Variants in ROBO2 observed in about 807,000 individuals in gnomAD.
The protein encoded by ROBO2 is roundabout homolog 2.
A neutral mutation model predicts 160.8 loss-of-function variants in ROBO2; 53 were observed. That is an observed-to-expected ratio of 0.33 (90% CI 0.26 to 0.41). The LOEUF (loss-of-function observed/expected upper bound fraction) is 0.41. ROBO2 is among the 10% of genes least tolerant of loss of function. The pLI is 1.00. For synonymous variants in ROBO2, 664 were observed against 611.7 expected (o/e 1.09, Z -1.26); for missense variants, 1,577 against 1,722.4 (o/e 0.92, Z 1.49).
At chr3:77,316,965 T>A in intron 2 of ROBO2, 2 of 1,411,602 alleles carry the variant, frequency 1.4e-6, no homozygotes, top group African/African-American at 1.4e-5. Flanking sequence ...TGTTACTGTT[T>A]CCTGCTGTCC....
At chr3:76,896,909 A>T (rs777268184) in intron 2 of ROBO2, among the ~76,000 whole-genome samples, 3 of 152,186 alleles carry the variant, frequency 2.0e-5, no homozygotes, top group Non-Finnish European at 2.9e-5. Flanking sequence ...CAGGAGTTAA[A>T]TCTTGCCACT....
At chr3:77,319,329 A>G (rs1425757619) in intron 2 of ROBO2, among the ~76,000 whole-genome samples, 1 of 152,204 alleles carries the variant, frequency 6.6e-6, no homozygotes, top group African/African-American at 2.4e-5. Flanking sequence ...TTGCCCAGAA[A>G]TAAGGATTTT....
At chr3:76,000,978 A>T (rs2065870397) in intron 2 of ROBO2, among the ~76,000 whole-genome samples, 1 of 151,932 alleles carries the variant, frequency 6.6e-6, no homozygotes, top group Admixed American at 6.6e-5. Flanking sequence ...CTTTAAGAAA[A>T]TTTCACTCTA....
intron 1 of ROBO2, among the ~76,000 whole-genome samples, chr3:75,933,484 A>G (rs1204054447): frequency 6.6e-6 from 1 of 152,150 alleles, no homozygotes; most frequent in Non-Finnish European, 1.5e-5. Flanking sequence ...TGCCAACAGC[A>G]ATACTTGCAG....
At chr3:76,213,490 T>C (rs576788979) in intron 2 of ROBO2, among the ~76,000 whole-genome samples, 1 of 152,278 alleles carries the variant, frequency 6.6e-6, no homozygotes, top group South Asian at 2.1e-4. Context: ...AATGGTTCCA[T>C]AGATAATATT....
intron 2 of ROBO2, among the ~76,000 whole-genome samples, chr3:75,981,923 C>A (rs2065290069): frequency 6.6e-6 from 1 of 151,436 alleles, no homozygotes; most frequent in African/African-American, 2.4e-5. Context: ...CAAAAACCCC[C>A]TACCCTTCCC....
chr3:76,267,914 C>T (rs1396576825), intron 2 of ROBO2, among the ~76,000 whole-genome samples: 4 of 151,988 alleles, frequency 2.6e-5, no homozygotes, highest in Non-Finnish European at 4.4e-5. Context: ...TACCTCACAG[C>T]TGTACTATGC....
rs1029683157 is a variant in ROBO2 at position 76,302,315 on chromosome 3, A to G, written c.109+364713A>G. ...TTTTCCAGCTTATCAATGATCTGAG[A>G]ACTCTTATTTCTTTGTTTATTTCTA... On this transcript the variant is annotated intron_variant, in intron 2 of 26. Coordinates refer to the ROBO2 transcript ENST00000487694. 3.3e-5 allele frequency among the ~76,000 whole-genome samples: 5 copies of G among 152,096 alleles called. 1 individual carries two copies. Among genetic ancestry groups the G allele is most frequent in the Admixed American group, 3.3e-4 (5 of 15,264 alleles).
At chr3:76,394,204 G>C (rs2077304123) in intron 2 of ROBO2, among the ~76,000 whole-genome samples, 1 of 152,162 alleles carries the variant, frequency 6.6e-6, no homozygotes, top group South Asian at 2.1e-4. Flanking sequence ...GTTAGTTGAT[G>C]CAGTTTCTTC....
chr3:76,477,633 T>C (rs1339253032), intron 2 of ROBO2, among the ~76,000 whole-genome samples: 2 of 152,142 alleles, frequency 1.3e-5, no homozygotes, highest in East Asian at 3.9e-4. Flanking sequence ...TTTTAAAAGG[T>C]AAGATCTAAC....
Position 77,538,912 on chromosome 3 carries a change from T to C in ROBO2, c.935-7426T>C, listed in dbSNP as rs755454528. ...TTAACTAATTTTTGCAGAAACTTTT[T>C]AATTTTTTTTCTTCTTTTTAGAGAC... On this transcript the variant is annotated intron_variant, in intron 6 of 25. Coordinates refer to ENST00000461745, the Ensembl canonical transcript of ROBO2. 2.0e-4 allele frequency: 96 copies of C among 473,072 alleles called. 1 individual carries two copies. Among genetic ancestry groups the C allele is most frequent in the South Asian group, 1.5e-3 (96 of 65,826 alleles). 29.3% of individuals were successfully genotyped at this position (473,072 alleles called of 1,614,324 possible). A position where few individuals can be genotyped will look rare whatever the true frequency, so the allele number is the denominator to read the frequency against.
chr3:77,355,606 T>G (rs1038563017), intron 2 of ROBO2, among the ~76,000 whole-genome samples: 1 of 152,016 alleles, frequency 6.6e-6, no homozygotes, highest in African/African-American at 2.4e-5. Context: ...CAGATATGAG[T>G]AGGACAGATA....
At chr3:77,063,027 T>A (rs897573296) in intron 1 of ROBO2, among the ~76,000 whole-genome samples, 6 of 152,152 alleles carry the variant, frequency 3.9e-5, no homozygotes, top group African/African-American at 1.2e-4. Flanking sequence ...TATACTGCTG[T>A]GGGAATTTAC....
At chr3:76,382,589 A>G (rs532084588) in intron 2 of ROBO2, among the ~76,000 whole-genome samples, 1 of 152,252 alleles carries the variant, frequency 6.6e-6, no homozygotes, top group Non-Finnish European at 1.5e-5. Context: ...TCCGTCTCAA[A>G]AACAAACAAA....
At chr3:76,211,509 A>T (rs1703143843) in intron 2 of ROBO2, among the ~76,000 whole-genome samples, 1 of 152,110 alleles carries the variant, frequency 6.6e-6, no homozygotes. Flanking sequence ...GACATGTCAG[A>T]ATGAAAAATG....
At chr3:76,923,753 G>A (rs2076813347) in intron 2 of ROBO2, among the ~76,000 whole-genome samples, 1 of 152,208 alleles carries the variant, frequency 6.6e-6, no homozygotes, top group Admixed American at 6.5e-5. Flanking sequence ...GCCTGAAACT[G>A]AGCAGTTGTG....
chr3:76,106,523 T>C (rs1481672334), intron 2 of ROBO2, among the ~76,000 whole-genome samples: 1 of 152,132 alleles, frequency 6.6e-6, no homozygotes, highest in African/African-American at 2.4e-5. Flanking sequence ...ATGACACTCA[T>C]AGTTTTATTT....
intron 23 of ROBO2, chr3:77,633,491 A>G (rs1024583002): frequency 3.9e-5 from 6 of 152,164 alleles, no homozygotes; most frequent in Admixed American, 6.5e-5. Flanking sequence ...AGAATATTCT[A>G]ATATATGAAT....
intron 2 of ROBO2, among the ~76,000 whole-genome samples, chr3:76,240,028 T>C (rs188120879): frequency 2.6e-4 from 40 of 152,232 alleles, no homozygotes; most frequent in African/African-American, 9.6e-4. Flanking sequence ...GAGGTGGATA[T>C]GGTCACAGTG....
Sources: gnomAD v4.1 joint callset for allele counts (sites outside exome capture counted in the v4.1 genomes callset) on GRCh38, gnomAD v4.1.1 for gene constraint, MANE v1.5 for transcripts, NCBI Gene and HGNC (gene_info 2026-07-23, HGNC 2026-07-21) for gene names.